Variants in PARD3 observed in about 807,000 individuals in gnomAD.
PARD3 encodes the protein par-3 family cell polarity regulator.
A neutral mutation model predicts 155.4 loss-of-function variants in PARD3; 75 were observed. The ratio of observed to expected loss-of-function variants is 0.48; its 90% CI spans 0.40 to 0.58. PARD3 has a LOEUF of 0.58. PARD3 is among the 20% of genes least tolerant of loss of function. The pLI is 0.00. For missense variants in PARD3, 1,642 were observed against 1,721.7 expected (o/e 0.95, Z 0.82); for synonymous variants, 576 against 610.5 (o/e 0.94, Z 0.83).
intron 22 of PARD3, among the ~76,000 whole-genome samples, chr10:34,192,764 T>C (rs1453109592): frequency 6.6e-6 from 1 of 152,160 alleles, no homozygotes; most frequent in Non-Finnish European, 1.5e-5. Flanking sequence ...TAGATGCCTG[T>C]GATCTGTGTT....
chr10:34,531,984 C>A (rs187800834), intron 2 of PARD3, among the ~76,000 whole-genome samples: 31 of 151,576 alleles, frequency 2.0e-4, no homozygotes, highest in Admixed American at 1.4e-3. Context: ...GAGCTCACTG[C>A]AAGTAACAAC....
chr10:34,296,483 C>T (rs368487962), intron 20 of PARD3, among the ~76,000 whole-genome samples: 128 of 152,268 alleles, frequency 8.4e-4, no homozygotes, highest in African/African-American at 2.9e-3. Flanking sequence ...CCTGTCTCGG[C>T]CTCCCAAAGT....
At chr10:34,157,921 A>G (rs1207291720) in intron 22 of PARD3, among the ~76,000 whole-genome samples, 2 of 152,240 alleles carry the variant, frequency 1.3e-5, no homozygotes, top group Admixed American at 6.5e-5. Context: ...ACAACCTACA[A>G]TAAAAGCGCT....
chr10:34,416,450 G>A (rs1210802399), intron 5 of PARD3, among the ~76,000 whole-genome samples: 1 of 152,148 alleles, frequency 6.6e-6, no homozygotes, highest in Non-Finnish European at 1.5e-5. Flanking sequence ...CTCAAAATGA[G>A]ACTATGTCAG....
intron 15 of PARD3, chr10:34,346,176 G>A (rs1837401976): frequency 1.8e-6 from 2 of 1,101,468 alleles, no homozygotes; most frequent in Non-Finnish European, 2.2e-6. Flanking sequence ...GCAGAAGGAA[G>A]AGGAAACAAT....
intron 22 of PARD3, among the ~76,000 whole-genome samples, chr10:34,228,217 C>A (rs757635956): frequency 1.3e-4 from 20 of 151,852 alleles, no homozygotes; most frequent in Non-Finnish European, 2.5e-4. Context: ...ATTGAGTACA[C>A]ATGGACACAA....
chr10:34,317,132 G>A lies in PARD3; in HGVS notation c.3040C>T (p.Leu1014=). ...CTGAACATGTCTCCCAAGCCCTTCAGCATTCCCTTCTTGGCTTTCATTTTA... is the reference window on the plus strand; with the variant it reads ...CTGAACATGTCTCCCAAGCCCTTCAACATTCCCTTCTTGGCTTTCATTTTA... ...KDKMKAKKGM[L]KGLGDMFRFG... is the part of the protein sequence containing the mutation. The change falls in exon 20 of 25, where the codon CTG becomes TTG. Residue 1014 remains leucine (L), a synonymous_variant. Coordinates refer to ENST00000374788, the MANE Select transcript of PARD3 (RefSeq NM_001184785.2). 1 of 1,564,104 alleles carries A rather than the reference G, an allele frequency of 6.4e-7. No individual in the cohort carries two copies. Among genetic ancestry groups the A allele is most frequent in the Non-Finnish European group, 8.7e-7 (1 of 1,153,162 alleles).
intron 5 of PARD3, among the ~76,000 whole-genome samples, chr10:34,440,314 C>T (rs1272494338): frequency 1.3e-5 from 2 of 151,850 alleles, no homozygotes; most frequent in Non-Finnish European, 2.9e-5. Context: ...ATAGATGGAA[C>T]GTAGAAATAA....
rs910812792 is a variant in PARD3 at position 34,353,119 on chromosome 10, G to A, written c.2068-5004C>T. On this transcript the variant is annotated intron_variant, in intron 14 of 24. Transcript: ENST00000374788. ...AGCCCCTCCGCCCAGCAGCCGCCCCGTCTGGGAAGTGGGGGGCAGCCCCCG... is the reference window on the plus strand; with the variant it reads ...AGCCCCTCCGCCCAGCAGCCGCCCCATCTGGGAAGTGGGGGGCAGCCCCCG... 2.1e-4 allele frequency among the ~76,000 whole-genome samples: 32 copies of A among 151,956 alleles called. No homozygotes were observed. The East Asian group carries it at 5.1e-3, about 24-fold the overall frequency.
intron 1 of PARD3, among the ~76,000 whole-genome samples, chr10:34,750,518 C>G (rs1708671441): frequency 6.7e-6 from 1 of 149,010 alleles, no homozygotes; most frequent in Non-Finnish European, 1.5e-5. Flanking sequence ...CACCCTAAGA[C>G]TATAGAGGAC....
At chr10:34,125,937 G>A (rs3004929) in intron 23 of PARD3, among the ~76,000 whole-genome samples, 71,531 of 152,024 alleles carry the variant, frequency 0.47, 17,533 homozygotes, top group East Asian at 0.87. Flanking sequence ...AAGTTTTTAC[G>A]GCATACTGTA....
In PARD3 at chr10:34,558,878, C is replaced by T. The variant is rs558847357; in HGVS notation, c.223-41719G>A. 6.6e-5 allele frequency among the ~76,000 whole-genome samples: 10 copies of T among 152,240 alleles called. 1 individual carries two copies. The highest frequency in any genetic ancestry group is 4.2e-4 in the South Asian group (2 of 4,816). ...AGAAGAATCACTTTAACCTGGGAGG[C>T]GGAGGTTGCAGTGAGCCAAGATTGC... is the stretch of plus-strand genomic sequence containing the variant. On this transcript the variant is annotated intron_variant, in intron 2 of 24. Coordinates refer to ENST00000374788, the MANE Select transcript of PARD3 (RefSeq NM_001184785.2).
chr10:34,731,177 C>T (rs2133814338), intron 1 of PARD3, among the ~76,000 whole-genome samples: 1 of 152,198 alleles, frequency 6.6e-6, no homozygotes, highest in Middle Eastern at 3.4e-3. Context: ...GAAAAAAAGT[C>T]AAAATATAAA....
intron 22 of PARD3, among the ~76,000 whole-genome samples, chr10:34,160,778 A>G (rs1172251232): frequency 6.6e-6 from 1 of 152,222 alleles, no homozygotes; most frequent in Non-Finnish European, 1.5e-5. Context: ...GCAGTTATTG[A>G]CAGCTGGACT....
intron 22 of PARD3, among the ~76,000 whole-genome samples, chr10:34,267,056 A>C (rs1175806308): frequency 1.3e-5 from 2 of 152,124 alleles, no homozygotes; most frequent in Non-Finnish European, 2.9e-5. Flanking sequence ...CAGGTTTTCA[A>C]AGTGGATGTG....
chr10:34,228,103 G>A (rs1952719074), intron 22 of PARD3, among the ~76,000 whole-genome samples: 1 of 151,648 alleles, frequency 6.6e-6, no homozygotes, highest in African/African-American at 2.4e-5. Context: ...ATGAGATCCT[G>A]TCCTTTACAG....
intron 17 of PARD3, 41 bp downstream of exon 17, chr10:34,337,234 T>C: frequency 7.6e-7 from 1 of 1,318,236 alleles, no homozygotes. Flanking sequence ...TGAAAGCATT[T>C]AAAACTTATT....
chr10:34,139,007 T>C lies in PARD3; in HGVS notation c.3420-7424A>G, dbSNP rs16935107. On this transcript the variant is annotated intron_variant, in intron 22 of 24. Transcript: ENST00000374788. Reference sequence around the variant, plus strand: ...GCTTTTTCCTATTGATACATTTCTATCACTCAGACAGTTTTCCCATGTACA... The same window carrying C: ...GCTTTTTCCTATTGATACATTTCTACCACTCAGACAGTTTTCCCATGTACA... Among the ~76,000 whole-genome samples, 624 of 151,942 alleles carry C rather than the reference T, an allele frequency of 4.1e-3. 4 individuals carry two copies. Among genetic ancestry groups the C allele is most frequent in the African/African-American group, 0.014 (600 of 41,466 alleles).
rs1302245256 is a variant in PARD3, at chr10:34,636,101, C to T, written c.222+60217G>A. Among the ~76,000 whole-genome samples the T allele has an allele frequency of 2.6e-5, 4 of 151,758 alleles. No homozygotes were observed. The South Asian group carries it at 8.3e-4, about 32-fold the overall frequency. Reference sequence around the variant, plus strand: ...AGGAAGAAGGAAGAAGGAAGGAAGACGGAAGGAAGAAGGAAGAAGAAGAAG... The same window carrying T: ...AGGAAGAAGGAAGAAGGAAGGAAGATGGAAGGAAGAAGGAAGAAGAAGAAG... On this transcript the variant is annotated intron_variant, in intron 2 of 24. Transcript: ENST00000374788.
Sources: gnomAD v4.1 joint callset for allele counts (sites outside exome capture counted in the v4.1 genomes callset) on GRCh38, gnomAD v4.1.1 for gene constraint, MANE v1.5 for transcripts, NCBI Gene and HGNC (gene_info 2026-07-23, HGNC 2026-07-21) for gene names.